Variants in AKAP9 observed in about 807,000 individuals in gnomAD.
AKAP9 encodes the protein A-kinase anchoring protein 9.
AKAP9 carries 311 observed loss-of-function variants against 488.5 expected under a neutral mutation model. The ratio of observed to expected loss-of-function variants is 0.64; its 90% CI spans 0.58 to 0.70. The LOEUF (loss-of-function observed/expected upper bound fraction) is 0.70. AKAP9 is among the 30% of genes least tolerant of loss of function. The pLI is 0.00. For synonymous variants in AKAP9, 1,462 were observed against 1,483.5 expected (o/e 0.99, Z 0.33); for missense variants, 4,215 against 4,374.5 (o/e 0.96, Z 1.03).
intron 16 of AKAP9, among the ~76,000 whole-genome samples, chr7:92,034,458 A>AGTTGTATT (rs1804817859): frequency 6.8e-6 from 1 of 146,674 alleles, no homozygotes; most frequent in Admixed American, 6.8e-5. Flanking sequence ...ATATAGGTAG[A>AGTTGTATT]GTTGTATTGT....
chr7:92,010,093 G>C (rs1036143550), intron 8 of AKAP9, among the ~76,000 whole-genome samples: 4 of 152,150 alleles, frequency 2.6e-5, no homozygotes, highest in African/African-American at 9.7e-5. Context: ...ATCTCGCTGT[G>C]TTGCCCAGGC....
chr7:91,948,772 C>T (rs367622656), intron 1 of AKAP9, among the ~76,000 whole-genome samples: 14 of 152,004 alleles, frequency 9.2e-5, no homozygotes, highest in South Asian at 2.1e-4. Context: ...CCACCATGCC[C>T]GATTAATTTT....
chr7:92,105,836 G>A lies in AKAP9; in HGVS notation c.11416+73G>A, dbSNP rs1166399946. ...AGAGGTCCCCCACCCCCAGACTATG[G>A]ACCATACTTGTCTGTGGCCTGTTAG... On this transcript the variant is annotated intron_variant, in intron 47 of 49. Coordinates refer to ENST00000356239, the MANE Select transcript of AKAP9 (RefSeq NM_005751.5). 6 of 1,324,694 alleles carry A rather than the reference G, an allele frequency of 4.5e-6. No homozygotes were observed. In the East Asian group the frequency reaches 6.9e-5, roughly 15 times the overall value. The allele number at this position is 1,324,694 out of a possible 1,614,324, so 82.1% of individuals were successfully genotyped here.
intron 3 of AKAP9, among the ~76,000 whole-genome samples, chr7:91,985,148 A>G (rs1029390053): frequency 5.3e-5 from 8 of 152,180 alleles, no homozygotes; most frequent in African/African-American, 7.2e-5. Flanking sequence ...TTCCAAGACT[A>G]TGTTGAATAG....
chr7:92,094,182 A>G (rs1164770873), intron 39 of AKAP9, among the ~76,000 whole-genome samples: 4 of 152,162 alleles, frequency 2.6e-5, no homozygotes, highest in Non-Finnish European at 4.4e-5. Flanking sequence ...TTGTAACAAT[A>G]AATTGCATAG....
chr7:91,981,490 T>G (rs1247532564), intron 3 of AKAP9, among the ~76,000 whole-genome samples: 1 of 152,170 alleles, frequency 6.6e-6, no homozygotes, highest in Non-Finnish European at 1.5e-5. Flanking sequence ...ATCCGTGATT[T>G]TAGTATCCTT....
intron 21 of AKAP9, among the ~76,000 whole-genome samples, chr7:92,049,257 G>C (rs1465285852): frequency 6.6e-6 from 1 of 152,140 alleles, no homozygotes; most frequent in African/African-American, 2.4e-5. Flanking sequence ...GGCATCTTGT[G>C]AAGTTCCCCT....
chr7:92,040,548 A>G, intron 17 of AKAP9, 126 bp from the exon 18 acceptor site: 1 of 671,302 alleles, frequency 1.5e-6, no homozygotes, highest in Admixed American at 3.1e-5. Flanking sequence ...TAATAATAAA[A>G]TATCACATGC....
intron 38 of AKAP9, chr7:92,092,853 C>G: frequency 2.4e-6 from 1 of 419,072 alleles, no homozygotes. Flanking sequence ...CACCATGTTG[C>G]CCAGGCTGGT....
intron 3 of AKAP9, among the ~76,000 whole-genome samples, chr7:91,986,757 T>G (rs1797142597): frequency 6.6e-6 from 1 of 152,128 alleles, no homozygotes; most frequent in South Asian, 2.1e-4. Context: ...AGTAAATATA[T>G]GTTTTAAGGT....
In AKAP9 at chr7:92,086,344, G is replaced by A. The variant is rs375897283; in HGVS notation, c.9141G>A (p.Thr3047=). 156 of 1,613,924 alleles carry A rather than the reference G, an allele frequency of 9.7e-5. No individual in the cohort carries two copies. The highest frequency in any genetic ancestry group is 1.6e-4 in the Middle Eastern group (1 of 6,084). ...ERSVLLAAFR[T]ELTALGTTDA... ...GTGTTTTACTAGCAGCATTTCGGACGGAGCTGACAGCTCTAGGTACTACAG... is the reference window on the plus strand; with the variant it reads ...GTGTTTTACTAGCAGCATTTCGGACAGAGCTGACAGCTCTAGGTACTACAG... Residue 3047 remains threonine (T), a synonymous_variant, in exon 37 of 50, where the codon ACG becomes ACA. Coordinates refer to ENST00000356239, the MANE Select transcript of AKAP9 (RefSeq NM_005751.5).
chr7:92,099,740 G>A lies in AKAP9; in HGVS notation c.10767G>A (p.Leu3589=), dbSNP rs56198613. Residue 3589 remains leucine (L), a synonymous_variant, in exon 44 of 50, where the codon CTG becomes CTA. Coordinates refer to ENST00000356239, the MANE Select transcript of AKAP9 (RefSeq NM_005751.5). ...GTGGCTCATTGACTGAAAGACTACT[G>A]AGACAAAATGCTGAGCTGACAGGGC... ...TSCGSLTERL[L]RQNAELTGHI... The A allele has an allele frequency of 1.4e-3, 2,283 of 1,614,066 alleles. 4 individuals carry two copies. Among genetic ancestry groups the A allele is most frequent in the Non-Finnish European group, 1.7e-3 (2,051 of 1,179,980 alleles).
chr7:91,988,756 T>C (rs1384382774), intron 3 of AKAP9, among the ~76,000 whole-genome samples: 1 of 152,184 alleles, frequency 6.6e-6, no homozygotes, highest in African/African-American at 2.4e-5. Context: ...CTTTGAACTG[T>C]ATGAACCTGG....
chr7:91,963,751 C>G (rs959247815), intron 1 of AKAP9, among the ~76,000 whole-genome samples: 1 of 152,152 alleles, frequency 6.6e-6, no homozygotes, highest in Non-Finnish European at 1.5e-5. Context: ...AACTCCTGAC[C>G]TTGTGATCCG....
chr7:92,093,465 T>A (rs1338809899), intron 39 of AKAP9, 149 bp downstream of exon 39: 1 of 715,600 alleles, frequency 1.4e-6, no homozygotes, highest in Non-Finnish European at 2.4e-6. Context: ...TAGAAAAAAC[T>A]CTAAATGTTT....
At chr7:92,035,684 C>T (rs1308512995) in intron 16 of AKAP9, among the ~76,000 whole-genome samples, 3 of 152,166 alleles carry the variant, frequency 2.0e-5, no homozygotes, top group African/African-American at 7.2e-5. Flanking sequence ...TCTTCTTTCC[C>T]ATACAAATCA....
At chr7:92,033,442 C>CTTTTTTTTTTTTTTT (rs35497475) in intron 16 of AKAP9, among the ~76,000 whole-genome samples, 59 of 107,344 alleles carry the variant, frequency 5.5e-4, no homozygotes, top group Non-Finnish European at 7.2e-4. Flanking sequence ...CTTTTCTTTT[C>CTTTTTTTTTTTTTTT]TTTTTTTTTT....
chr7:91,962,696 G>C (rs972638623), intron 1 of AKAP9, among the ~76,000 whole-genome samples: 1 of 151,970 alleles, frequency 6.6e-6, no homozygotes, highest in African/African-American at 2.4e-5. Flanking sequence ...ACAATGCCAT[G>C]GTAATTTAAT....
chr7:92,067,253 T>G (rs1810917939), intron 26 of AKAP9, among the ~76,000 whole-genome samples: 1 of 152,224 alleles, frequency 6.6e-6, no homozygotes, highest in Non-Finnish European at 1.5e-5. Context: ...ACATTTCTGT[T>G]AAGTTCCAGC....
Sources: gnomAD v4.1 joint callset for allele counts (sites outside exome capture counted in the v4.1 genomes callset) on GRCh38, gnomAD v4.1.1 for gene constraint, MANE v1.5 for transcripts, NCBI Gene and HGNC (gene_info 2026-07-23, HGNC 2026-07-21) for gene names.